STK32B: variants seen among roughly 807,000 people sequenced by gnomAD.
STK32B encodes the protein serine/threonine kinase 32B.
Under a neutral mutation model 52.6 loss-of-function variants are expected in STK32B, and 43 were observed. The observed-to-expected ratio is 0.82, with a 90% confidence interval of 0.64 to 1.05. The LOEUF (loss-of-function observed/expected upper bound fraction) is 1.05. Ranked by LOEUF, STK32B falls within the 50% of genes least tolerant of loss-of-function variation. The pLI is 0.00. For missense variants in STK32B, 621 were observed against 534.6 expected, an observed-to-expected ratio of 1.16 and a Z score of -1.59; for synonymous variants, 238 against 204.3, an observed-to-expected ratio of 1.17 and a Z score of -1.41.
chr4:5,254,711 A>G (rs1726175996), intron 3 of STK32B, among the ~76,000 whole-genome samples: 1 of 152,174 alleles, frequency 6.6e-6, no homozygotes, highest in Non-Finnish European at 1.5e-5. Flanking sequence ...ATTTAACTGT[A>G]ACTAGAACAT....
chr4:5,097,716 GAT>G (rs1232651378), intron 1 of STK32B, among the ~76,000 whole-genome samples: 1 of 152,202 alleles, frequency 6.6e-6, no homozygotes, highest in African/African-American at 2.4e-5. Flanking sequence ...ACAGGACCCT[GAT>G]CACTAACTCG....
intron 5 of STK32B, among the ~76,000 whole-genome samples, chr4:5,410,326 C>T (rs777983595): frequency 6.6e-6 from 1 of 151,738 alleles, no homozygotes; most frequent in Non-Finnish European, 1.5e-5. Flanking sequence ...TCCTGTAAAC[C>T]AGCTGAGATG....
intron 4 of STK32B, among the ~76,000 whole-genome samples, chr4:5,382,248 G>A (rs1002256836): frequency 1.3e-5 from 2 of 152,160 alleles, no homozygotes; most frequent in Non-Finnish European, 2.9e-5. Flanking sequence ...AACTCATAAA[G>A]TTAACCATCC....
Position 5,378,132 on chromosome 4 carries a change from A to G in STK32B, c.435-20075A>G, listed in dbSNP as rs1284525408. On this transcript the variant is annotated intron_variant, in intron 4 of 11. Coordinates refer to ENST00000282908, the MANE Select transcript of STK32B (RefSeq NM_018401.3). This position sits in a 1 kb window ranked among gnomAD's most constrained non-coding sequence, Gnocchi z 4.4. ...TAATTAGGAAAATTAAAAAGAACTGAAAAAGGAGTAACTGCCTCCCCGTCT... is the reference window on the plus strand; with the variant it reads ...TAATTAGGAAAATTAAAAAGAACTGGAAAAGGAGTAACTGCCTCCCCGTCT... Among the ~76,000 whole-genome samples, 1 of 152,212 alleles carries G rather than the reference A, an allele frequency of 6.6e-6. No homozygotes were observed. The highest frequency in any genetic ancestry group is 1.5e-5 in the Non-Finnish European group (1 of 68,030).
chr4:5,312,251 C>T (rs1015793409), intron 3 of STK32B, among the ~76,000 whole-genome samples: 6 of 126,984 alleles, frequency 4.7e-5, no homozygotes, highest in East Asian at 2.1e-4. Flanking sequence ...TTACCGCTTA[C>T]GTTTAGTTTT....
intron 1 of STK32B, among the ~76,000 whole-genome samples, chr4:5,118,800 G>C (rs926680911): frequency 3.9e-5 from 6 of 152,162 alleles, no homozygotes; most frequent in African/African-American, 1.4e-4. Context: ...TGACCCAGGT[G>C]GGCTCTCCAT....
intron 6 of STK32B, among the ~76,000 whole-genome samples, chr4:5,433,810 T>C (rs1221592821): frequency 6.6e-6 from 1 of 152,174 alleles, no homozygotes; most frequent in Non-Finnish European, 1.5e-5. Context: ...CAGGAGGTGA[T>C]TGTATGCTTT....
Position 5,431,728 on chromosome 4 carries a change from A to G in STK32B, c.562+14794A>G, listed in dbSNP as rs550935307. ...CATACTTTAGTGAAATGAGCTTTCT[A>G]TTGCTAGCAATGCTACTAGCATCTC... On this transcript the variant is annotated intron_variant, in intron 6 of 11. Transcript: ENST00000282908. Among the ~76,000 whole-genome samples, 7 of 152,296 alleles carry G rather than the reference A, an allele frequency of 4.6e-5. No individual in the cohort carries two copies. The South Asian group carries it at 1.0e-3, about 23-fold the overall frequency.
At chr4:5,096,259 G>C (rs1319109270) in intron 1 of STK32B, among the ~76,000 whole-genome samples, 1 of 152,220 alleles carries the variant, frequency 6.6e-6, no homozygotes, top group East Asian at 1.9e-4. Flanking sequence ...CTAGGATGAA[G>C]TGTAAAGGGA....
chr4:5,367,465 C>T (rs548896814), intron 4 of STK32B, among the ~76,000 whole-genome samples: 91 of 152,186 alleles, frequency 6.0e-4, no homozygotes, highest in African/African-American at 2.1e-3. Flanking sequence ...CCTTATTGAC[C>T]ACATGTTAGT....
At chr4:5,064,404 C>CAT (rs56116707) in intron 1 of STK32B, among the ~76,000 whole-genome samples, 1,595 of 80,036 alleles carry the variant, frequency 0.02, 64 homozygotes, top group East Asian at 0.027. Flanking sequence ...TACTTATATA[C>CAT]ATATAATATA....
chr4:5,141,491 T>C (rs1321035133), intron 2 of STK32B, among the ~76,000 whole-genome samples: 1 of 152,170 alleles, frequency 6.6e-6, no homozygotes, highest in African/African-American at 2.4e-5. Context: ...GTAAAGGCTT[T>C]GGCCATTTCA....
chr4:5,223,915 C>T (rs751341879), intron 3 of STK32B, among the ~76,000 whole-genome samples: 11 of 151,192 alleles, frequency 7.3e-5, no homozygotes, highest in Non-Finnish European at 1.5e-4. Context: ...TTATTCCTTT[C>T]CTCTTTCCTA....
At chr4:5,024,129 C>A in the STK32B span, among the ~76,000 whole-genome samples, 1 of 152,180 alleles carries the variant, frequency 6.6e-6, no homozygotes, top group East Asian at 1.9e-4. Context: ...ATAGTGTTTT[C>A]ATGTGTCATC....
intron 3 of STK32B, among the ~76,000 whole-genome samples, chr4:5,204,975 A>T (rs1397399124): frequency 6.6e-6 from 1 of 152,224 alleles, no homozygotes; most frequent in African/African-American, 2.4e-5. Flanking sequence ...AAAGCAGATT[A>T]GCATTTGAAT....
chr4:5,427,371 G>A (rs1373162966), intron 6 of STK32B, among the ~76,000 whole-genome samples: 1 of 152,072 alleles, frequency 6.6e-6, no homozygotes, highest in Non-Finnish European at 1.5e-5. Flanking sequence ...GTAACAACTT[G>A]GTGTGGCTTT....
At chr4:5,150,179 C>T in intron 2 of STK32B, among the ~76,000 whole-genome samples, 1 of 152,014 alleles carries the variant, frequency 6.6e-6, no homozygotes, top group East Asian at 1.9e-4. Flanking sequence ...TAGAAGTTTT[C>T]CTATGGTATG....
At chr4:5,050,833 C>T (rs115819401), upstream of STK32B, among the ~76,000 whole-genome samples, 3 of 152,308 alleles carry the variant, frequency 2.0e-5, no homozygotes, top group African/African-American at 2.4e-5. Flanking sequence ...CCCAGGGACC[C>T]TCATGCTAGC....
At chr4:5,494,422 T>A (rs1173645916) in intron 11 of STK32B, among the ~76,000 whole-genome samples, 2 of 151,490 alleles carry the variant, frequency 1.3e-5, no homozygotes, top group Non-Finnish European at 2.9e-5. Flanking sequence ...GTTTTCCATT[T>A]GCTTGGTAGA....
Sources: allele counts gnomAD v4.1 joint callset (sites outside exome capture counted in the v4.1 genomes callset), GRCh38; gene constraint gnomAD v4.1.1; non-coding constraint Gnocchi (gnomAD v3.1); transcripts MANE v1.5; gene names NCBI Gene and HGNC (gene_info 2026-07-23, HGNC 2026-07-21).